PSD3: variants seen among roughly 807,000 people sequenced by gnomAD.
PSD3 encodes PH and SEC7 domain-containing protein 3.
A neutral mutation model predicts 105.5 loss-of-function variants in PSD3; 49 were observed. The ratio of observed to expected loss-of-function variants is 0.46; its 90% CI spans 0.37 to 0.59. The LOEUF (loss-of-function observed/expected upper bound fraction) is 0.59. Ranked by LOEUF, PSD3 falls within the 20% of genes least tolerant of loss-of-function variation. The pLI, the probability that PSD3 is intolerant of heterozygous loss-of-function variation, is 0.00. For missense variants in PSD3, 1,561 were observed against 1,263.8 expected (o/e 1.24, Z -3.57); for synonymous variants, 557 against 457.8 (o/e 1.22, Z -2.77).
At chr8:18,841,186 A>G (rs916222251) in intron 4 of PSD3, among the ~76,000 whole-genome samples, 3 of 152,164 alleles carry the variant, frequency 2.0e-5, no homozygotes, top group Admixed American at 6.5e-5. Flanking sequence ...TAGTAACCAC[A>G]CTAATTGGAT....
chr8:18,769,532 G>C (rs1807312810), intron 8 of PSD3, among the ~76,000 whole-genome samples: 2 of 152,108 alleles, frequency 1.3e-5, no homozygotes, highest in Non-Finnish European at 2.9e-5. Context: ...ATATAATTCA[G>C]TGATTTTTAA....
intron 9 of PSD3, among the ~76,000 whole-genome samples, chr8:18,678,922 G>A (rs143001967): frequency 1.6e-4 from 22 of 140,326 alleles, no homozygotes. Context: ...TCTTGAAAAT[G>A]TATATATGCT....
intron 9 of PSD3, among the ~76,000 whole-genome samples, chr8:18,656,423 T>G (rs10106045): frequency 6.6e-6 from 1 of 151,378 alleles, no homozygotes; most frequent in African/African-American, 2.4e-5. Flanking sequence ...AGTAAGATAC[T>G]TGGTAGGGGG....
chr8:18,922,012 G>A (rs999136559), intron 2 of PSD3, among the ~76,000 whole-genome samples: 3 of 152,152 alleles, frequency 2.0e-5, no homozygotes, highest in African/African-American at 7.2e-5. Context: ...ACATTGGTTA[G>A]ACCAAATAAA....
chr8:18,764,342 G>T (rs1195092785), intron 9 of PSD3, among the ~76,000 whole-genome samples: 1 of 151,990 alleles, frequency 6.6e-6, no homozygotes, highest in African/African-American at 2.4e-5. Context: ...TTTATCTCCC[G>T]CTCCCATTTG....
chr8:18,655,736 T>A (rs370237730), intron 9 of PSD3, 51 bp from the exon 10 acceptor site: 3 of 1,556,246 alleles, frequency 1.9e-6, no homozygotes, highest in Non-Finnish European at 2.7e-6. Flanking sequence ...CTGTTCCACA[T>A]TTTGAATTCA....
chr8:18,756,228 C>G (rs537234802), intron 9 of PSD3, among the ~76,000 whole-genome samples: 1 of 152,104 alleles, frequency 6.6e-6, no homozygotes, highest in Non-Finnish European at 1.5e-5. Context: ...TTTAGCTACA[C>G]TTAAATACCA....
chr8:19,002,263 C>A (rs1315444073), intron 1 of PSD3, among the ~76,000 whole-genome samples: 1 of 151,962 alleles, frequency 6.6e-6, no homozygotes, highest in Admixed American at 6.6e-5. Flanking sequence ...TAAAGACCTC[C>A]AAGGAAGGAA....
At chr8:18,860,175 G>C (rs918117492) in intron 4 of PSD3, among the ~76,000 whole-genome samples, 2 of 152,098 alleles carry the variant, frequency 1.3e-5, no homozygotes, top group Non-Finnish European at 2.9e-5. Flanking sequence ...AGAGAGAGGG[G>C]GAACAGCTGG....
At chr8:18,998,160 C>T (rs1399924538) in intron 1 of PSD3, among the ~76,000 whole-genome samples, 8 of 151,884 alleles carry the variant, frequency 5.3e-5, no homozygotes, top group South Asian at 4.2e-4. Context: ...TATTACAGTA[C>T]GCCCTGTAGC....
intron 1 of PSD3, among the ~76,000 whole-genome samples, chr8:18,959,440 G>C (rs1232032939): frequency 6.6e-6 from 1 of 152,076 alleles, no homozygotes; most frequent in African/African-American, 2.4e-5. Flanking sequence ...AAAACCTTCA[G>C]CGGGTCCTCA....
chr8:18,941,609 T>C (rs551674804), intron 1 of PSD3, among the ~76,000 whole-genome samples: 1 of 151,884 alleles, frequency 6.6e-6, no homozygotes, highest in African/African-American at 2.4e-5. Flanking sequence ...CTCGCAACAT[T>C]ACCGATTATA....
chr8:18,981,884 C>T lies in PSD3; in HGVS notation c.21+31679G>A, dbSNP rs554727751. On this transcript the variant is annotated intron_variant, in intron 1 of 15. Coordinates refer to ENST00000327040, the MANE Select transcript of PSD3 (RefSeq NM_015310.4). Reference sequence around the variant, plus strand: ...TCATTACTGATGGCTGCTGACTGATCAGGGTGGTAGCTGCTGAAGGCTGAG... The same window carrying T: ...TCATTACTGATGGCTGCTGACTGATTAGGGTGGTAGCTGCTGAAGGCTGAG... 6.6e-5 allele frequency among the ~76,000 whole-genome samples: 10 copies of T among 152,162 alleles called. 1 individual carries two copies. Among genetic ancestry groups the T allele is most frequent in the Admixed American group, 6.5e-4 (10 of 15,272 alleles).
At chr8:18,939,869 C>T (rs1337180095) in intron 1 of PSD3, among the ~76,000 whole-genome samples, 3 of 152,094 alleles carry the variant, frequency 2.0e-5, no homozygotes, top group African/African-American at 7.2e-5. Context: ...TAAGTTTATA[C>T]ACACATATCT....
chr8:18,689,955 C>G (rs1280933605), intron 9 of PSD3, among the ~76,000 whole-genome samples: 1 of 152,208 alleles, frequency 6.6e-6, no homozygotes, highest in East Asian at 1.9e-4. Context: ...AGTGACCAAA[C>G]TGAGACTTGG....
At chr8:18,581,145 G>A (rs1802789573) in intron 12 of PSD3, among the ~76,000 whole-genome samples, 1 of 152,114 alleles carries the variant, frequency 6.6e-6, no homozygotes, top group Non-Finnish European at 1.5e-5. Context: ...TGGATATGAA[G>A]TTACTACCCA....
intron 1 of PSD3, among the ~76,000 whole-genome samples, chr8:19,049,720 A>G (rs1215884246): frequency 1.3e-5 from 2 of 149,376 alleles, no homozygotes; most frequent in African/African-American, 4.9e-5. Context: ...AAAAAAAGAC[A>G]ATAGTGAAGA....
rs112127896 is a variant in PSD3, at chr8:18,764,769, A to G, written c.2172+680T>C. 2.2e-3 allele frequency among the ~76,000 whole-genome samples: 335 copies of G among 152,348 alleles called. 3 individuals carry two copies. Among genetic ancestry groups the G allele is most frequent in the Admixed American group, 5.4e-3 (83 of 15,308 alleles). ...TTTAAAAGGCTAGAATCAAAAAGAC[A>G]ACTGTAAAAACCACATTCTCAATGT... On this transcript the variant is annotated intron_variant, in intron 9 of 15. Transcript: ENST00000327040.
At chr8:18,998,488 C>T (rs1826200533) in intron 1 of PSD3, among the ~76,000 whole-genome samples, 1 of 151,868 alleles carries the variant, frequency 6.6e-6, no homozygotes, top group Admixed American at 6.6e-5. Context: ...GAGATTGAGA[C>T]CATCCTGGCT....
Sources: gnomAD v4.1 joint callset for allele counts (sites outside exome capture counted in the v4.1 genomes callset) on GRCh38, gnomAD v4.1.1 for gene constraint, MANE v1.5 for transcripts, NCBI Gene and HGNC (gene_info 2026-07-23, HGNC 2026-07-21) for gene names.